Variants in ST6GALNAC3 observed in about 807,000 individuals in gnomAD.
The protein encoded by ST6GALNAC3 is ST6 N-acetylgalactosaminide alpha-2,6-sialyltransferase 3.
In ST6GALNAC3, 25 loss-of-function variants were observed where a neutral mutation model predicts 32.7. The observed-to-expected ratio is 0.76, with a 90% CI of 0.56 to 1.07. The LOEUF (loss-of-function observed/expected upper bound fraction) is 1.07, where lower values mean the gene tolerates loss of function less well. ST6GALNAC3 is among the 50% of genes least tolerant of loss of function. ST6GALNAC3 has a pLI of 0.00. For synonymous variants in ST6GALNAC3, 129 were observed against 133.1 expected (o/e 0.97, Z 0.21); for missense variants, 355 against 382.4 (o/e 0.93, Z 0.60).
intron 1 of ST6GALNAC3, among the ~76,000 whole-genome samples, chr1:76,167,647 T>C (rs1297586766): frequency 6.6e-6 from 1 of 152,152 alleles, no homozygotes; most frequent in Non-Finnish European, 1.5e-5. Context: ...GTAGGCTATT[T>C]GTTGATTCAA....
intron 1 of ST6GALNAC3, among the ~76,000 whole-genome samples, chr1:76,210,221 G>A (rs943868728): frequency 1.3e-5 from 2 of 152,126 alleles, no homozygotes; most frequent in African/African-American, 4.8e-5. Context: ...CCTGATTAGA[G>A]CTGCATTTTC....
At chr1:76,135,580 G>A (rs924027406) in intron 1 of ST6GALNAC3, among the ~76,000 whole-genome samples, 10 of 152,150 alleles carry the variant, frequency 6.6e-5, no homozygotes, top group African/African-American at 2.4e-4. Context: ...TGGACATGGG[G>A]CTGACTTGAA....
At chr1:76,075,603 G>C (rs558788560) in intron 1 of ST6GALNAC3, among the ~76,000 whole-genome samples, 2 of 152,144 alleles carry the variant, frequency 1.3e-5, no homozygotes, top group Non-Finnish European at 2.9e-5. Flanking sequence ...CCTCACCTGA[G>C]CATCTTTCTG....
chr1:76,142,821 G>T lies in ST6GALNAC3; in HGVS notation c.18+67937G>T, dbSNP rs755433645. 3.6e-5 allele frequency: 16 copies of T among 443,684 alleles called. 1 individual carries two copies. Among genetic ancestry groups the T allele is most frequent in the South Asian group, 2.5e-4 (16 of 63,190 alleles). The allele number at this position is 443,684 out of a possible 1,614,324, so 27.5% of individuals were successfully genotyped here. A position where few individuals can be genotyped will look rare whatever the true frequency, so the allele number is the denominator to read the frequency against. On this transcript the variant is annotated intron_variant, in intron 1 of 4. Transcript: ENST00000328299. ...CCCCGCTTCCTTGTCTTGAATGCCT[G>T]CCTTTTTTTTTTTCTTTTAAATTTT... is the stretch of plus-strand genomic sequence containing the variant.
At chr1:76,408,739 T>C (rs1455493783) in intron 2 of ST6GALNAC3, among the ~76,000 whole-genome samples, 1 of 124,674 alleles carries the variant, frequency 8.0e-6, no homozygotes. Flanking sequence ...TTTTATAGAT[T>C]TGAACATATC....
At chr1:76,076,711 T>C (rs545701614) in intron 1 of ST6GALNAC3, among the ~76,000 whole-genome samples, 10 of 152,362 alleles carry the variant, frequency 6.6e-5, no homozygotes, top group African/African-American at 2.4e-4. Flanking sequence ...CTGTTTCTTA[T>C]AACTATTATT....
intron 2 of ST6GALNAC3, among the ~76,000 whole-genome samples, chr1:76,320,009 T>C (rs1276744278): frequency 2.0e-5 from 3 of 152,204 alleles, no homozygotes; most frequent in African/African-American, 7.2e-5. Context: ...CTCAGTCTGG[T>C]TGTGAAATAG....
At chr1:76,620,284 A>C (rs1247686470) in intron 3 of ST6GALNAC3, among the ~76,000 whole-genome samples, 2 of 152,048 alleles carry the variant, frequency 1.3e-5, no homozygotes, top group Non-Finnish European at 2.9e-5. Context: ...GAGATGCGCA[A>C]GTTTAAGGAG....
intron 3 of ST6GALNAC3, among the ~76,000 whole-genome samples, chr1:76,449,258 C>T (rs989045560): frequency 1.3e-5 from 2 of 152,134 alleles, no homozygotes; most frequent in African/African-American, 2.4e-5. Context: ...ATTTATTGCT[C>T]ATTTCTTTTT....
intron 2 of ST6GALNAC3, among the ~76,000 whole-genome samples, chr1:76,405,148 T>G: frequency 6.6e-6 from 1 of 152,206 alleles, no homozygotes; most frequent in Middle Eastern, 3.4e-3. Flanking sequence ...TTACTTGAAT[T>G]TTGGGTGACC....
intron 3 of ST6GALNAC3, among the ~76,000 whole-genome samples, chr1:76,428,543 G>A (rs921863457): frequency 2.0e-5 from 3 of 151,862 alleles, no homozygotes; most frequent in African/African-American, 7.3e-5. Flanking sequence ...TTATTTTGCA[G>A]TTCTCCCTGT....
At chr1:76,435,254 T>C (rs1256740539) in intron 3 of ST6GALNAC3, among the ~76,000 whole-genome samples, 2 of 152,172 alleles carry the variant, frequency 1.3e-5, no homozygotes, top group Non-Finnish European at 2.9e-5. Flanking sequence ...GAGGTGACTA[T>C]GGAATCTAAA....
rs573885992 is a variant in ST6GALNAC3, at chr1:76,234,739, G to A, written c.19-79066G>A. ...TGAAAAGTTGTTGTTTTATAAAATG[G>A]AATAGTCAATCTCAGCTTTCTAAAC... On this transcript the variant is annotated intron_variant, in intron 1 of 4. Transcript: ENST00000328299. Among the ~76,000 whole-genome samples, 5 of 152,222 alleles carry A rather than the reference G, an allele frequency of 3.3e-5. No individual in the cohort carries two copies. The South Asian group carries it at 1.0e-3, about 32-fold the overall frequency.
chr1:76,379,001 G>A (rs1651488736), intron 2 of ST6GALNAC3, among the ~76,000 whole-genome samples: 1 of 152,162 alleles, frequency 6.6e-6, no homozygotes. Flanking sequence ...AGCGGCAAGT[G>A]ATTCTCCTGC....
At chr1:76,328,680 AT>A (rs1204836201) in intron 2 of ST6GALNAC3, among the ~76,000 whole-genome samples, 1 of 152,094 alleles carries the variant, frequency 6.6e-6, no homozygotes, top group Non-Finnish European at 1.5e-5. Context: ...GAAAATGTTG[AT>A]TTTCCCAAAT....
At chr1:76,487,614 G>C (rs1660211996) in intron 3 of ST6GALNAC3, among the ~76,000 whole-genome samples, 1 of 152,140 alleles carries the variant, frequency 6.6e-6, no homozygotes, top group African/African-American at 2.4e-5. Context: ...GGTTGTTCTA[G>C]TTAGCCATTT....
At chr1:76,539,453 T>A (rs1240189506) in intron 3 of ST6GALNAC3, among the ~76,000 whole-genome samples, 1 of 152,166 alleles carries the variant, frequency 6.6e-6, no homozygotes, top group East Asian at 1.9e-4. Flanking sequence ...GACATAGGCA[T>A]GGGCAAAGAC....
chr1:76,209,670 C>A (rs1156543553), intron 1 of ST6GALNAC3, among the ~76,000 whole-genome samples: 1 of 152,130 alleles, frequency 6.6e-6, no homozygotes, highest in Non-Finnish European at 1.5e-5. Flanking sequence ...TGCCCCACTC[C>A]CCCAACAGTT....
At chr1:76,277,953 A>G (rs1418614237) in intron 1 of ST6GALNAC3, among the ~76,000 whole-genome samples, 1 of 152,122 alleles carries the variant, frequency 6.6e-6, no homozygotes, top group Non-Finnish European at 1.5e-5. Flanking sequence ...TCTCACGCCT[A>G]GACCTTATTC....
Sources: allele counts gnomAD v4.1 joint callset (sites outside exome capture counted in the v4.1 genomes callset), GRCh38; gene constraint gnomAD v4.1.1; transcripts MANE v1.5; gene names NCBI Gene and HGNC (gene_info 2026-07-23, HGNC 2026-07-21).